AUTS2: variants seen among roughly 807,000 people sequenced by gnomAD.
AUTS2 encodes autism susceptibility gene 2 protein.
In AUTS2, 17 loss-of-function variants were observed where a neutral mutation model predicts 112.4. That is an observed-to-expected ratio of 0.15 (90% confidence interval 0.10 to 0.23). The LOEUF (loss-of-function observed/expected upper bound fraction) is 0.23. Ranked by LOEUF, AUTS2 falls within the 10% of genes least tolerant of loss-of-function variation. The pLI, the probability that AUTS2 is intolerant of heterozygous loss-of-function variation, is 1.00. For missense variants in AUTS2, 1,510 were observed against 1,701.6 expected (o/e 0.89, Z 1.98); for synonymous variants, 751 against 702.7 (o/e 1.07, Z -1.09).
intron 1 of AUTS2, among the ~76,000 whole-genome samples, chr7:69,698,975 T>G (rs1393259037): frequency 6.6e-6 from 1 of 152,204 alleles, no homozygotes; most frequent in East Asian, 1.9e-4. Context: ...TTTCCTATGT[T>G]TACATTCTCC....
At chr7:70,294,397 C>T (rs1336270402) in intron 4 of AUTS2, among the ~76,000 whole-genome samples, 1 of 152,136 alleles carries the variant, frequency 6.6e-6, no homozygotes, top group Admixed American at 6.5e-5. Context: ...CAAACTGCAT[C>T]CTCTCTTCCT....
chr7:70,788,929 G>C (rs1309397056), intron 18 of AUTS2, among the ~76,000 whole-genome samples: 1 of 152,064 alleles, frequency 6.6e-6, no homozygotes, highest in Non-Finnish European at 1.5e-5. Context: ...TGCATTTTCT[G>C]CCCAATACTC....
chr7:70,685,785 C>T (rs913699778), intron 5 of AUTS2, among the ~76,000 whole-genome samples: 7 of 152,162 alleles, frequency 4.6e-5, no homozygotes, highest in African/African-American at 1.4e-4. Flanking sequence ...AACTGGAAAA[C>T]GCGATCAGTT....
intron 4 of AUTS2, among the ~76,000 whole-genome samples, chr7:70,258,944 G>A (rs895530550): frequency 2.6e-5 from 4 of 152,158 alleles, no homozygotes; most frequent in Non-Finnish European, 5.9e-5. Context: ...CTCCATGCAG[G>A]AGTAGCACAG....
chr7:69,690,281 T>C (rs1381306011), intron 1 of AUTS2, among the ~76,000 whole-genome samples: 1 of 152,226 alleles, frequency 6.6e-6, no homozygotes, highest in East Asian at 1.9e-4. Context: ...TGTTCTAGGA[T>C]AGAAGACATA....
chr7:70,387,412 T>C (rs551440271), intron 4 of AUTS2, among the ~76,000 whole-genome samples: 2 of 152,326 alleles, frequency 1.3e-5, no homozygotes, highest in African/African-American at 4.8e-5. Context: ...ATTATCCGGC[T>C]ACTTTTGGCT....
intron 4 of AUTS2, 77 bp from the exon 5 acceptor site, chr7:70,435,670 TGGGGG>T: frequency 7.3e-7 from 1 of 1,364,940 alleles, no homozygotes; most frequent in Non-Finnish European, 1.0e-6. Flanking sequence ...TTTTTTTGTA[TGGGGG>T]TTGGGGGAGG....
chr7:70,109,178 T>G (rs554474454), intron 2 of AUTS2, among the ~76,000 whole-genome samples: 1 of 152,144 alleles, frequency 6.6e-6, no homozygotes, highest in African/African-American at 2.4e-5. Flanking sequence ...AAACAGAAAA[T>G]CATAAAAAGT....
intron 1 of AUTS2, among the ~76,000 whole-genome samples, chr7:69,701,856 A>C (rs1584098395): frequency 6.6e-6 from 1 of 152,262 alleles, no homozygotes; most frequent in East Asian, 1.9e-4. Context: ...TTGGGGTTTG[A>C]GTCCAGGTCT....
intron 4 of AUTS2, among the ~76,000 whole-genome samples, chr7:70,298,864 A>G (rs142942047): frequency 1.6e-4 from 24 of 152,302 alleles, no homozygotes; most frequent in Non-Finnish European, 2.5e-4. Context: ...TGGTTTCTCA[A>G]TTAACCAAAA....
At position 70,790,024 on chromosome 7, in the gene AUTS2, G is replaced by T; in HGVS notation, c.2808G>T (p.Leu936=). 7 of 1,588,790 alleles carry T rather than the reference G, an allele frequency of 4.4e-6. No homozygotes were observed. The highest frequency in any genetic ancestry group is 6.0e-6 in the Non-Finnish European group (7 of 1,168,368). ...CCGCGGGCGAAGAGGCCAAGCAGCT[G>T]GCCCGGGTGCCGTCTCCCTACGTGC... ...GRAAGEEAKQ[L]ARVPSPYVRT... Residue 936 remains leucine, a synonymous_variant, in exon 19 of 19, where the codon CTG becomes CTT. Coordinates refer to ENST00000342771, the MANE Select transcript of AUTS2 (RefSeq NM_015570.4). The surrounding 1 kb of genome is among the most constrained non-coding windows in gnomAD (Gnocchi z 7.6).
intron 5 of AUTS2, among the ~76,000 whole-genome samples, chr7:70,626,468 G>C (rs559259828): frequency 2.0e-5 from 3 of 151,386 alleles, no homozygotes; most frequent in East Asian, 3.9e-4. Context: ...TCTAGGGCTA[G>C]GTACCAGACA....
chr7:69,916,456 T>C (rs1641502022), intron 2 of AUTS2, among the ~76,000 whole-genome samples: 1 of 152,202 alleles, frequency 6.6e-6, no homozygotes, highest in South Asian at 2.1e-4. Flanking sequence ...TTTAAATGTT[T>C]AACCCAGACC....
In AUTS2 at chr7:70,384,262, T is replaced by C. The variant is rs563850444; in HGVS notation, c.661-51490T>C. Among the ~76,000 whole-genome samples, 13 of 152,294 alleles carry C rather than the reference T, an allele frequency of 8.5e-5. No homozygotes were observed. The East Asian group carries it at 2.5e-3, about 29-fold the overall frequency. ...CTCTGCCTGAGGGATTGAGAACATA[T>C]TGCTTGGCAGGTGGGCCTACTCAGA... On this transcript the variant is annotated intron_variant, in intron 4 of 18. Transcript: ENST00000342771.
chr7:70,078,139 G>A (rs998353898), intron 2 of AUTS2, among the ~76,000 whole-genome samples: 2 of 152,134 alleles, frequency 1.3e-5, no homozygotes, highest in African/African-American at 4.8e-5. Context: ...AGTCCTTACA[G>A]TAGTCCCTTT....
At chr7:70,245,179 A>G (rs1269480939) in intron 4 of AUTS2, among the ~76,000 whole-genome samples, 2 of 141,256 alleles carry the variant, frequency 1.4e-5, no homozygotes, top group African/African-American at 5.7e-5. Context: ...TAAAAAATAA[A>G]AAATAAACAA....
intron 1 of AUTS2, among the ~76,000 whole-genome samples, chr7:69,692,886 G>A (rs1425387756): frequency 3.3e-5 from 5 of 152,188 alleles, no homozygotes; most frequent in Non-Finnish European, 7.3e-5. Flanking sequence ...ACCCCTCTAG[G>A]TTCCAGCTTT....
intron 2 of AUTS2, among the ~76,000 whole-genome samples, chr7:70,005,040 G>A (rs1340894958): frequency 6.6e-6 from 1 of 151,944 alleles, no homozygotes; most frequent in Non-Finnish European, 1.5e-5. Flanking sequence ...GGCCAGGCTG[G>A]TCTCGAACTC....
intron 2 of AUTS2, among the ~76,000 whole-genome samples, chr7:69,950,971 C>T (rs753707398): frequency 1.3e-5 from 2 of 151,476 alleles, no homozygotes; most frequent in African/African-American, 4.9e-5. Context: ...CTGTCTCTCT[C>T]TTTCTCTCTT....
Sources: gnomAD v4.1 joint callset for allele counts (sites outside exome capture counted in the v4.1 genomes callset) on GRCh38, gnomAD v4.1.1 for gene constraint, Gnocchi (gnomAD v3.1) non-coding constraint, MANE v1.5 for transcripts, NCBI Gene and HGNC (gene_info 2026-07-23, HGNC 2026-07-21) for gene names.